MAST2: variants seen among roughly 807,000 people sequenced by gnomAD.
MAST2 encodes microtubule-associated serine/threonine-protein kinase 2.
In MAST2, 70 loss-of-function variants were observed where a neutral mutation model predicts 147.4. That is an observed-to-expected ratio of 0.47 (90% CI 0.39 to 0.58). MAST2 has a LOEUF of 0.58. MAST2 is among the 20% of genes least tolerant of loss of function. The pLI is 0.00. For missense variants in MAST2, 2,080 were observed against 2,302.3 expected, an observed-to-expected ratio of 0.90 and a Z score of 1.98; for synonymous variants, 869 against 896.8, an observed-to-expected ratio of 0.97 and a Z score of 0.55.
intron 4 of MAST2, among the ~76,000 whole-genome samples, chr1:45,937,796 G>A (rs1251669873): frequency 1.4e-5 from 2 of 142,380 alleles, no homozygotes; most frequent in East Asian, 4.1e-4. Flanking sequence ...CCCATTGTAA[G>A]CAATTCAACG....
chr1:46,019,105 T>C (rs568512579), intron 10 of MAST2, among the ~76,000 whole-genome samples: 155 of 152,328 alleles, frequency 1.0e-3, no homozygotes, highest in African/African-American at 3.7e-3. Flanking sequence ...TATGCCTTTT[T>C]CATCTGAATT....
rs1325115302 is a variant in MAST2, at chr1:45,907,049, G to T, written c.500+24654G>T. Among the ~76,000 whole-genome samples, 5 of 152,264 alleles carry T rather than the reference G, an allele frequency of 3.3e-5. No individual in the cohort carries two copies. The East Asian group carries it at 9.6e-4, about 29-fold the overall frequency. On this transcript the variant is annotated intron_variant, in intron 4 of 28. Transcript: ENST00000361297. Reference sequence around the variant, plus strand: ...CTATACAATACCATATAGCCTATGTGTGTGGTAGGCTATACCATCTAGGTT... The same window carrying T: ...CTATACAATACCATATAGCCTATGTTTGTGGTAGGCTATACCATCTAGGTT...
At chr1:45,851,512 G>A (rs1047731561) in intron 3 of MAST2, among the ~76,000 whole-genome samples, 2 of 152,178 alleles carry the variant, frequency 1.3e-5, no homozygotes, top group African/African-American at 2.4e-5. Flanking sequence ...TTGACCAGCA[G>A]TCAGGAGAGT....
intron 20 of MAST2, 64 bp from the exon 21 acceptor site, chr1:46,030,065 A>G (rs1646580219): frequency 1.9e-6 from 3 of 1,605,466 alleles, no homozygotes; most frequent in Admixed American, 1.7e-5. Context: ...GCTGAAATCT[A>G]ATGGGGTCAC....
chr1:46,034,305 G>A, intron 28 of MAST2, 39 bp downstream of exon 28: 1 of 1,572,026 alleles, frequency 6.4e-7, no homozygotes, highest in East Asian at 2.3e-5. Context: ...CAACCCCTGG[G>A]AAATAGGAAA....
intron 4 of MAST2, among the ~76,000 whole-genome samples, chr1:45,949,982 G>T (rs190899662): frequency 1.3e-5 from 2 of 152,208 alleles, no homozygotes; most frequent in African/African-American, 2.4e-5. Flanking sequence ...ACCAAATACC[G>T]CATGTTCTTA....
intron 5 of MAST2, among the ~76,000 whole-genome samples, chr1:45,994,825 G>A (rs916650476): frequency 2.6e-5 from 4 of 151,690 alleles, no homozygotes; most frequent in African/African-American, 9.7e-5. Context: ...CAGGAGAATA[G>A]CCATATCTTC....
intron 5 of MAST2, among the ~76,000 whole-genome samples, chr1:45,986,376 G>A (rs1354694032): frequency 6.6e-6 from 1 of 152,054 alleles, no homozygotes; most frequent in African/African-American, 2.4e-5. Context: ...TGAGATAAAC[G>A]TTACTTGGTC....
At chr1:46,024,249 T>G in intron 15 of MAST2, 1 of 436,318 alleles carries the variant, frequency 2.3e-6, no homozygotes, top group Non-Finnish European at 4.3e-6. Flanking sequence ...GCACGCTCTC[T>G]ACTGCTGGTA....
In MAST2 at chr1:46,025,682, G is replaced by A; in HGVS notation, c.1786G>A (p.Asp596Asn). The change falls in exon 16 of 29, where the codon GAC (aspartate) becomes AAC (asparagine). Residue 596 changes from aspartate (D) to asparagine (N), a missense_variant. Asp to Asn is a conservative substitution (Grantham distance 23). This residue lies in a region of MAST2 where 209 missense variants were observed against 309.5 expected (regional missense o/e 0.68). Transcript: ENST00000361297. ...CMVMEYVEGG[D>N]CATLLKNIGA... is the part of the protein sequence containing the mutation. The stretch of plus-strand genomic sequence containing the variant: ...GTAGCCTGGGCTTGTTGCAGGGGGA[G>A]ACTGTGCCACTCTGCTGAAGAATAT... 6.2e-7 allele frequency: 1 copy of A among 1,614,094 alleles called. No homozygotes were observed. Among genetic ancestry groups the A allele is most frequent in the Non-Finnish European group, 8.5e-7 (1 of 1,180,032 alleles).
At chr1:45,805,102 T>G (rs1570131488) in intron 1 of MAST2, among the ~76,000 whole-genome samples, 2 of 147,028 alleles carry the variant, frequency 1.4e-5, no homozygotes, top group East Asian at 2.0e-4. Context: ...CAGGGGAGAG[T>G]GCAGTGGCAT....
intron 4 of MAST2, among the ~76,000 whole-genome samples, chr1:45,939,799 C>T (rs928097590): frequency 6.6e-6 from 1 of 151,992 alleles, no homozygotes; most frequent in African/African-American, 2.4e-5. Flanking sequence ...CTTGGCCTCC[C>T]AGAGTGCTGG....
At chr1:45,886,432 A>T (rs1205803435) in intron 4 of MAST2, among the ~76,000 whole-genome samples, 1 of 151,954 alleles carries the variant, frequency 6.6e-6, no homozygotes, top group South Asian at 2.1e-4. Context: ...GCCTGCCACG[A>T]TAAGGGCTTT....
At chr1:46,025,430 C>T (rs990361163) in intron 15 of MAST2, among the ~76,000 whole-genome samples, 8 of 152,198 alleles carry the variant, frequency 5.3e-5, no homozygotes, top group African/African-American at 1.9e-4. Flanking sequence ...CCTCCAGGTC[C>T]CTTCCCACAA....
At chr1:45,843,927 TTAAA>T (rs1351430515) in intron 3 of MAST2, among the ~76,000 whole-genome samples, 1 of 152,218 alleles carries the variant, frequency 6.6e-6, no homozygotes, top group Non-Finnish European at 1.5e-5. Flanking sequence ...AAAGAACACA[TTAAA>T]TACTTTGCCT....
intron 5 of MAST2, among the ~76,000 whole-genome samples, chr1:45,992,343 A>G (rs1571108975): frequency 1.3e-5 from 2 of 152,244 alleles, no homozygotes; most frequent in South Asian, 4.1e-4. Flanking sequence ...GTGGTAGGTA[A>G]TTGATTTTCA....
intron 12 of MAST2, among the ~76,000 whole-genome samples, chr1:46,022,456 A>C (rs1646228134): frequency 6.6e-6 from 1 of 152,158 alleles, no homozygotes; most frequent in Non-Finnish European, 1.5e-5. Context: ...GTAGTCCAAC[A>C]CAGGGCTTCA....
intron 3 of MAST2, among the ~76,000 whole-genome samples, chr1:45,859,432 T>G (rs1285930351): frequency 6.6e-6 from 1 of 152,108 alleles, no homozygotes; most frequent in Non-Finnish European, 1.5e-5. Flanking sequence ...GAATAGGAGT[T>G]TACTAGGTAA....
At chr1:46,004,002 A>G (rs10890382) in intron 7 of MAST2, among the ~76,000 whole-genome samples, 42,659 of 151,984 alleles carry the variant, frequency 0.28, 6,152 homozygotes, top group South Asian at 0.39. Flanking sequence ...AGATACTACT[A>G]TCACATTAAT....
Sources: allele counts gnomAD v4.1 joint callset (sites outside exome capture counted in the v4.1 genomes callset), GRCh38; gene constraint gnomAD v4.1.1; regional missense constraint gnomAD v4.1.1; transcripts MANE v1.5; gene names NCBI Gene and HGNC (gene_info 2026-07-23, HGNC 2026-07-21).